Variants in UNC13C observed in about 807,000 individuals in gnomAD.
The protein encoded by UNC13C is protein unc-13 homolog C.
UNC13C carries 174 observed loss-of-function variants against 245.4 expected under a neutral mutation model. The ratio of observed to expected loss-of-function variants is 0.71; its 90% CI spans 0.63 to 0.80. UNC13C has a LOEUF of 0.80. UNC13C is among the 30% of genes least tolerant of loss of function. The pLI is 0.00. For missense variants in UNC13C, 2,829 were observed against 2,602.9 expected, an observed-to-expected ratio of 1.09 and a Z score of -1.89; for synonymous variants, 992 against 895.1, an observed-to-expected ratio of 1.11 and a Z score of -1.93.
chr15:54,619,552 T>G lies in UNC13C; in HGVS notation c.6107-2775T>G, dbSNP rs115541378. Among the ~76,000 whole-genome samples the G allele has an allele frequency of 6.0e-3, 910 of 152,312 alleles. 10 individuals carry two copies. The highest frequency in any genetic ancestry group is 0.021 in the African/African-American group (881 of 41,572). ...ATTCACCTGCTTTGAAAGAAGAGAC[T>G]GGTCACTAATGACATGTATCTGCTA... On this transcript the variant is annotated intron_variant, in intron 30 of 32. Transcript: ENST00000260323.
intron 25 of UNC13C, among the ~76,000 whole-genome samples, chr15:54,528,075 T>C (rs944947304): frequency 2.0e-5 from 3 of 152,338 alleles, no homozygotes; most frequent in Admixed American, 1.3e-4. Context: ...TTTTATGTTA[T>C]TAAAACTCAT....
In UNC13C at chr15:54,045,238, T is replaced by G. The variant is rs538685755; in HGVS notation, c.2983+29352T>G. The stretch of plus-strand genomic sequence containing the variant: ...TTTGAGTTAATTTTTGCATATGGTA[T>G]AAAACAGGGGTTTAGTTTCATTCTT... On this transcript the variant is annotated intron_variant, in intron 2 of 32. Coordinates refer to ENST00000260323, the MANE Select transcript of UNC13C (RefSeq NM_001080534.3). Among the ~76,000 whole-genome samples the G allele has an allele frequency of 3.3e-5, 5 of 152,336 alleles. No homozygotes were observed. In the South Asian group the frequency reaches 8.3e-4, roughly 25 times the overall value.
chr15:54,264,052 C>A, intron 8 of UNC13C, 116 bp from the exon 9 acceptor site: 1 of 1,006,326 alleles, frequency 9.9e-7, no homozygotes, highest in Non-Finnish European at 1.5e-6. Flanking sequence ...AGCCACCTGA[C>A]TCCACAGAAT....
chr15:54,489,188 A>C (rs933093163), intron 19 of UNC13C, among the ~76,000 whole-genome samples: 1 of 152,218 alleles, frequency 6.6e-6, no homozygotes, highest in South Asian at 2.1e-4. Context: ...GAACAATAAC[A>C]GCTCACTTTT....
At chr15:54,455,183 C>G (rs187980628) in intron 19 of UNC13C, among the ~76,000 whole-genome samples, 94 of 39,556 alleles carry the variant, frequency 2.4e-3, no homozygotes, top group East Asian at 0.013. Flanking sequence ...CTCTCTCTCT[C>G]TCTCTCTCTC....
intron 4 of UNC13C, among the ~76,000 whole-genome samples, chr15:54,167,765 AT>A (rs1174273975): frequency 6.6e-6 from 1 of 152,112 alleles, no homozygotes; most frequent in Non-Finnish European, 1.5e-5. Context: ...TATAAAAAAA[AT>A]CCTACAACTC....
At chr15:54,539,222 T>C (rs1270629002) in intron 26 of UNC13C, among the ~76,000 whole-genome samples, 4 of 152,058 alleles carry the variant, frequency 2.6e-5, no homozygotes, top group Non-Finnish European at 5.9e-5. Context: ...ATAAGTCTAA[T>C]GTTGTTATTT....
chr15:54,163,953 C>T (rs2033069011), intron 4 of UNC13C, among the ~76,000 whole-genome samples: 1 of 152,012 alleles, frequency 6.6e-6, no homozygotes, highest in Admixed American at 6.6e-5. Context: ...AGGTAATATG[C>T]AGTATGAATA....
the UNC13C span, among the ~76,000 whole-genome samples, chr15:53,926,873 C>T: frequency 2.0e-5 from 3 of 152,130 alleles, no homozygotes; most frequent in Admixed American, 6.5e-5. Context: ...AATAGTTTTC[C>T]GTGCCTATAG....
intron 2 of UNC13C, chr15:54,050,252 G>A (rs975398458): frequency 1.5e-5 from 8 of 544,972 alleles, no homozygotes; most frequent in Admixed American, 5.7e-5. Flanking sequence ...TATTACAGGC[G>A]TGAGCCACTG....
intron 4 of UNC13C, among the ~76,000 whole-genome samples, chr15:54,198,281 G>T (rs1366993051): frequency 6.6e-6 from 1 of 152,004 alleles, no homozygotes; most frequent in Non-Finnish European, 1.5e-5. Context: ...TCTTGGCCCT[G>T]CCCACCACCT....
At chr15:54,160,406 T>C (rs970062338) in intron 4 of UNC13C, among the ~76,000 whole-genome samples, 1 of 150,310 alleles carries the variant, frequency 6.7e-6, no homozygotes, top group Non-Finnish European at 1.5e-5. Flanking sequence ...GATTCATTTA[T>C]ATCAAGCAAC....
intron 2 of UNC13C, among the ~76,000 whole-genome samples, chr15:54,131,289 A>C (rs895773068): frequency 6.6e-6 from 1 of 152,210 alleles, no homozygotes; most frequent in African/African-American, 2.4e-5. Context: ...TCAAAAACAG[A>C]AAATAAAATT....
Position 54,012,853 on chromosome 15 carries a change from T to C in UNC13C, c.-51T>C, listed in dbSNP as rs571594138. 1 of 1,411,562 alleles carries C rather than the reference T, an allele frequency of 7.1e-7. No homozygotes were observed. Among genetic ancestry groups the C allele is most frequent in the East Asian group, 2.3e-5 (1 of 43,842 alleles). The allele number at this position is 1,411,562 out of a possible 1,614,324, so 87.4% of individuals were successfully genotyped here. A position where few individuals can be genotyped will look rare whatever the true frequency, so the allele number is the denominator to read the frequency against. ...GCCTTGGATTTTCAGGTTTTCATCCTGATACTTGTTTACTTTTCTGGGGCA... is the reference window on the plus strand; with the variant it reads ...GCCTTGGATTTTCAGGTTTTCATCCCGATACTTGTTTACTTTTCTGGGGCA... On this transcript the variant is annotated 5_prime_UTR_variant, in exon 2 of 33. Transcript: ENST00000260323.
In UNC13C at chr15:54,546,709, A is replaced by ATAT; in HGVS notation, c.5697-12_5697-11insATT. 2 of 1,376,896 alleles carry ATAT rather than the reference A, an allele frequency of 1.5e-6. No individual in the cohort carries two copies. Among genetic ancestry groups the ATAT allele is most frequent in the East Asian group, 2.7e-5 (1 of 36,658 alleles). 85.3% of individuals were successfully genotyped at this position (1,376,896 alleles called of 1,614,324 possible). A position where few individuals can be genotyped will look rare whatever the true frequency, so the allele number is the denominator to read the frequency against. On this transcript the variant is annotated splice_polypyrimidine_tract_variant and intron_variant, in intron 26 of 32. Transcript: ENST00000260323. Reference sequence around the variant, plus strand: ...AATTTAAAAGTGAATATATATATATATTTTTTTTTCAGATTAAGTCTCTCA... The same window carrying ATAT: ...AATTTAAAAGTGAATATATATATATATATTTTTTTTTTCAGATTAAGTCTCTCA...
At chr15:53,892,094 T>C in the UNC13C span, among the ~76,000 whole-genome samples, 1 of 152,224 alleles carries the variant, frequency 6.6e-6, no homozygotes, top group South Asian at 2.1e-4. Flanking sequence ...CTCTCAGCAT[T>C]TGCTTGTCTG....
At chr15:54,330,084 T>C (rs1596231729) in intron 14 of UNC13C, among the ~76,000 whole-genome samples, 1 of 151,954 alleles carries the variant, frequency 6.6e-6, no homozygotes, top group South Asian at 2.1e-4. Flanking sequence ...TTTCATCTAA[T>C]GGGCATGAAA....
At chr15:54,449,639 G>T (rs1186295404) in intron 19 of UNC13C, among the ~76,000 whole-genome samples, 2 of 152,132 alleles carry the variant, frequency 1.3e-5, no homozygotes, top group Non-Finnish European at 2.9e-5. Flanking sequence ...GTCCTTTAAG[G>T]ACTTCTCTGC....
intron 20 of UNC13C, among the ~76,000 whole-genome samples, chr15:54,495,779 G>A: frequency 6.6e-6 from 1 of 151,992 alleles, no homozygotes; most frequent in Admixed American, 6.6e-5. Flanking sequence ...GAAGAGACAA[G>A]GAATGGGGGG....
Sources: gnomAD v4.1 joint callset for allele counts (sites outside exome capture counted in the v4.1 genomes callset) on GRCh38, gnomAD v4.1.1 for gene constraint, MANE v1.5 for transcripts, NCBI Gene and HGNC (gene_info 2026-07-23, HGNC 2026-07-21) for gene names.